Variants in PPP1R7 observed in about 807,000 individuals in gnomAD.
PPP1R7 encodes protein phosphatase 1 regulatory subunit 22.
PPP1R7 carries 18 observed loss-of-function variants against 45.2 expected under a neutral mutation model. The observed-to-expected ratio is 0.40, with a 90% CI of 0.28 to 0.59. The LOEUF (loss-of-function observed/expected upper bound fraction) is 0.59. Ranked by LOEUF, PPP1R7 falls within the 20% of genes least tolerant of loss-of-function variation. PPP1R7 has a pLI of 0.46. For synonymous variants in PPP1R7, 181 were observed against 183.4 expected, an observed-to-expected ratio of 0.99 and a Z score of 0.11; for missense variants, 314 against 455.8, an observed-to-expected ratio of 0.69 and a Z score of 2.83.
chr2:241,160,846 T>G (rs1446077947), intron 6 of PPP1R7, among the ~76,000 whole-genome samples: 3 of 152,226 alleles, frequency 2.0e-5, no homozygotes, highest in Non-Finnish European at 2.9e-5. Flanking sequence ...CTGGCATGCT[T>G]CTTCGAGATG....
At chr2:241,170,933 A>G (rs2067804708) in intron 9 of PPP1R7, among the ~76,000 whole-genome samples, 1 of 152,072 alleles carries the variant, frequency 6.6e-6, no homozygotes, top group South Asian at 2.1e-4. Flanking sequence ...CCCTTGAAGG[A>G]AGGTGTGGCT....
chr2:241,175,096 G>A (rs1417283567), intron 9 of PPP1R7, among the ~76,000 whole-genome samples: 1 of 152,164 alleles, frequency 6.6e-6, no homozygotes, highest in East Asian at 1.9e-4. Flanking sequence ...CTCCCCCACT[G>A]TATAATACAA....
At chr2:241,180,692 C>T (rs192117062) in intron 9 of PPP1R7, among the ~76,000 whole-genome samples, 2 of 151,064 alleles carry the variant, frequency 1.3e-5, no homozygotes, top group East Asian at 3.9e-4. Context: ...CGGGGCGGTG[C>T]GAGTGTAGTA....
intron 6 of PPP1R7, 27 bp downstream of exon 6, chr2:241,160,521 TA>T (rs2067561717): frequency 6.5e-7 from 1 of 1,549,514 alleles, no homozygotes. Context: ...CTGACTAGTA[TA>T]TTCAGGGAGA....
intron 9 of PPP1R7, among the ~76,000 whole-genome samples, chr2:241,180,263 G>A (rs1295097296): frequency 6.6e-6 from 1 of 151,864 alleles, no homozygotes; most frequent in Non-Finnish European, 1.5e-5. Context: ...TGTCCTTTTT[G>A]TGTGTTTTGT....
At chr2:241,171,494 T>C (rs1205333548) in intron 9 of PPP1R7, among the ~76,000 whole-genome samples, 1 of 152,238 alleles carries the variant, frequency 6.6e-6, no homozygotes, top group Non-Finnish European at 1.5e-5. Context: ...CTCAGTTCCA[T>C]GCTCATATCA....
At chr2:241,157,091 T>C (rs2067476753) in intron 2 of PPP1R7, among the ~76,000 whole-genome samples, 1 of 152,280 alleles carries the variant, frequency 6.6e-6, no homozygotes, top group Admixed American at 6.5e-5. Context: ...AGAGCAGCTC[T>C]CTCCCTCCTC....
upstream of PPP1R7, chr2:241,149,685 C>A: frequency 6.5e-7 from 1 of 1,549,462 alleles, no homozygotes; most frequent in East Asian, 2.4e-5. Flanking sequence ...GATGCGGTTT[C>A]CTCCCGACTC....
At chr2:241,150,317 C>T (rs532796794), upstream of PPP1R7, 6 of 1,331,156 alleles carry the variant, frequency 4.5e-6, no homozygotes, top group East Asian at 1.2e-4. Context: ...CTGGGGGAGG[C>T]GCGGCGCGCG....
upstream of PPP1R7, chr2:241,150,380 G>C: frequency 7.5e-7 from 1 of 1,341,478 alleles, no homozygotes; most frequent in Non-Finnish European, 9.6e-7. Flanking sequence ...CGCAGGCGCG[G>C]CGCGGCTGAA....
Position 241,160,298 on chromosome 2 carries a change from A to C in PPP1R7, c.435-34A>C, listed in dbSNP as rs367743338. ...AGTTCTATGCAACCTATGCTCGTGA[A>C]ATTTTTTTAAAAAACTGTTTTGGTT... On this transcript the variant is annotated intron_variant, in intron 5 of 9. Transcript: ENST00000234038. 5.3e-5 allele frequency: 82 copies of C among 1,558,878 alleles called. 1 individual carries two copies. In the African/African-American group the frequency reaches 1.1e-3, roughly 20 times the overall value.
chr2:241,173,133 G>A (rs181907814), intron 9 of PPP1R7, among the ~76,000 whole-genome samples: 2 of 151,942 alleles, frequency 1.3e-5, no homozygotes, highest in African/African-American at 2.4e-5. Flanking sequence ...TTAGCTGGGC[G>A]TGGTGGCACG....
chr2:241,173,502 ATTTTG>A (rs2067854426), intron 9 of PPP1R7, among the ~76,000 whole-genome samples: 2 of 151,614 alleles, frequency 1.3e-5, no homozygotes, highest in African/African-American at 4.9e-5. Context: ...ATTGTTTCTT[ATTTTG>A]TTTTGTTTTT....
Position 241,158,701 on chromosome 2 carries a change from A to G in PPP1R7, c.303+152A>G, listed in dbSNP as rs879479631. The G allele has an allele frequency of 1.5e-5, 11 of 717,396 alleles. No homozygotes were observed. In the Admixed American group the frequency reaches 2.4e-4, roughly 16 times the overall value. The allele number at this position is 717,396 out of a possible 1,614,324, so 44.4% of individuals were successfully genotyped here. A position where few individuals can be genotyped will look rare whatever the true frequency, so the allele number is the denominator to read the frequency against. ...TTGTAGCAGGCCTTTCTTTACTGGG[A>G]GCACAGCAGGTGTGAGACAGCAGTC... On this transcript the variant is annotated intron_variant, in intron 4 of 9. Coordinates refer to ENST00000234038, the MANE Select transcript of PPP1R7 (RefSeq NM_002712.3).
At chr2:241,163,939 G>A (rs1007437331) in intron 7 of PPP1R7, among the ~76,000 whole-genome samples, 2 of 151,042 alleles carry the variant, frequency 1.3e-5, no homozygotes, top group Non-Finnish European at 2.9e-5. Context: ...AAGAGACAAG[G>A]TCTCACTCTG....
In PPP1R7 at chr2:241,181,829, C is replaced by T. The variant is rs138303919; in HGVS notation, c.907-818C>T. On this transcript the variant is annotated intron_variant, in intron 9 of 9. Coordinates refer to ENST00000234038, the MANE Select transcript of PPP1R7 (RefSeq NM_002712.3). ...GGAGCAGTGCCCGTGCTCTTGCCAC[C>T]GCGGTTTGCCTGGCAGGCCCTGAGG... 2.6e-4 allele frequency among the ~76,000 whole-genome samples: 40 copies of T among 152,270 alleles called. No homozygotes were observed. In the East Asian group the frequency reaches 6.4e-3, roughly 24 times the overall value.
chr2:241,176,481 G>A (rs1383602812), intron 9 of PPP1R7, among the ~76,000 whole-genome samples: 1 of 148,286 alleles, frequency 6.7e-6, no homozygotes, highest in Non-Finnish European at 1.5e-5. Context: ...TTTTGAGATG[G>A]AGCTTTGCTC....
intron 7 of PPP1R7, among the ~76,000 whole-genome samples, chr2:241,165,444 G>A (rs926579516): frequency 6.6e-6 from 1 of 152,118 alleles, no homozygotes; most frequent in Non-Finnish European, 1.5e-5. Flanking sequence ...TGGGATTATA[G>A]GTGAGAGCCA....
chr2:241,158,631 T>G, intron 4 of PPP1R7, 82 bp downstream of exon 4: 1 of 1,389,386 alleles, frequency 7.2e-7, no homozygotes, highest in Non-Finnish European at 1.0e-6. Flanking sequence ...CAGTCCTGAG[T>G]TGTGGTCCTT....
Sources: gnomAD v4.1 joint callset for allele counts (sites outside exome capture counted in the v4.1 genomes callset) on GRCh38, gnomAD v4.1.1 for gene constraint, MANE v1.5 for transcripts, NCBI Gene and HGNC (gene_info 2026-07-23, HGNC 2026-07-21) for gene names.